The following LRFN5 variants were observed in gnomAD, a reference collection of about 807,000 sequenced individuals.
The protein encoded by LRFN5 is leucine rich repeat and fibronectin type III domain containing 5.
In LRFN5, 24 loss-of-function variants were observed where a neutral mutation model predicts 45.6. That is an observed-to-expected ratio of 0.53 (90% CI 0.38 to 0.74). The LOEUF (loss-of-function observed/expected upper bound fraction) is 0.74. Ranked by LOEUF, LRFN5 falls within the 30% of genes least tolerant of loss-of-function variation. The probability of loss-of-function intolerance (pLI) is 0.00; values close to 1 mark genes in which losing one functional copy is unlikely to be tolerated. For synonymous variants in LRFN5, 340 were observed against 313.8 expected (o/e 1.08, Z -0.88); for missense variants, 776 against 861.5 (o/e 0.90, Z 1.24).
At chr14:41,678,628 T>C (rs1248607118) in intron 1 of LRFN5, among the ~76,000 whole-genome samples, 1 of 152,132 alleles carries the variant, frequency 6.6e-6, no homozygotes. Context: ...CCAGTATATA[T>C]AACATCTTAG....
intron 2 of LRFN5, among the ~76,000 whole-genome samples, chr14:41,840,084 T>A (rs1888806507): frequency 1.3e-5 from 2 of 152,110 alleles, no homozygotes; most frequent in South Asian, 4.1e-4. Flanking sequence ...GAAGGCAACT[T>A]GGAAATTTTC....
At chr14:41,828,537 G>A (rs1226832740) in intron 2 of LRFN5, among the ~76,000 whole-genome samples, 2 of 152,036 alleles carry the variant, frequency 1.3e-5, no homozygotes, top group East Asian at 3.9e-4. Context: ...ATCGTTTTCT[G>A]AAACCTATTC....
At chr14:41,869,043 C>T (rs908148870) in intron 2 of LRFN5, among the ~76,000 whole-genome samples, 23 of 152,232 alleles carry the variant, frequency 1.5e-4, no homozygotes, top group African/African-American at 4.8e-4. Context: ...TAAATAAAAT[C>T]CAGAGTATTC....
chr14:41,689,174 CTT>C (rs1387029700), intron 1 of LRFN5, among the ~76,000 whole-genome samples: 4 of 151,948 alleles, frequency 2.6e-5, no homozygotes, highest in Admixed American at 2.6e-4. Context: ...CAATCAATAA[CTT>C]AAATTTATTC....
At chr14:41,658,522 T>C (rs1880481939) in intron 1 of LRFN5, among the ~76,000 whole-genome samples, 1 of 151,994 alleles carries the variant, frequency 6.6e-6, no homozygotes, top group South Asian at 2.1e-4. Flanking sequence ...TCTTTCCATC[T>C]GTAGCATATA....
At chr14:41,655,318 C>A (rs1419259626) in intron 1 of LRFN5, among the ~76,000 whole-genome samples, 1 of 151,942 alleles carries the variant, frequency 6.6e-6, no homozygotes, top group Non-Finnish European at 1.5e-5. Context: ...GAGAAATCCT[C>A]ACTAATAATA....
At chr14:41,705,547 A>AT (rs1883029185) in intron 1 of LRFN5, among the ~76,000 whole-genome samples, 1 of 152,224 alleles carries the variant, frequency 6.6e-6, no homozygotes, top group Admixed American at 6.5e-5. Flanking sequence ...AGACATAAAA[A>AT]TGATAGGATC....
At chr14:41,774,010 T>C (rs551855540) in intron 2 of LRFN5, among the ~76,000 whole-genome samples, 1 of 152,298 alleles carries the variant, frequency 6.6e-6, no homozygotes, top group South Asian at 2.1e-4. Context: ...GGTCTTTGTG[T>C]TGCTAACACT....
At chr14:41,762,184 A>T (rs1311042628) in intron 1 of LRFN5, among the ~76,000 whole-genome samples, 2 of 151,654 alleles carry the variant, frequency 1.3e-5, no homozygotes, top group Non-Finnish European at 2.9e-5. Context: ...TTACTGAAAT[A>T]CAGTATCCCT....
At position 41,781,594 on chromosome 14, in the gene LRFN5, AAGAAAGAAAGAAAGAAAGAAAG is replaced by A. The variant is rs1305773457; in HGVS notation, c.-21+14584_-21+14605del. Among the ~76,000 whole-genome samples, 332 of 102,872 alleles carry A rather than the reference AAGAAAGAAAGAAAGAAAGAAAG, an allele frequency of 3.2e-3. 10 individuals are homozygous for A. Among genetic ancestry groups the A allele is most frequent in the African/African-American group, 0.013 (313 of 23,594 alleles). 67.5% of individuals were successfully genotyped at this position (102,872 alleles called of 152,430 possible). A position where few individuals can be genotyped will look rare whatever the true frequency, so the allele number is the denominator to read the frequency against. ...AAAGAAAGAAAGAAAGAAAGAAAGA[AAGAAAGAAAGAAAGAAAGAAAG>A]AGAAAGAAAGAAAGAAAGGAAAGAA... On this transcript the variant is annotated intron_variant, in intron 2 of 5. Transcript: ENST00000298119.
chr14:41,619,695 G>A (rs529277950), intron 1 of LRFN5, among the ~76,000 whole-genome samples: 11 of 151,836 alleles, frequency 7.2e-5, no homozygotes, highest in African/African-American at 2.7e-4. Flanking sequence ...GGCAATATAT[G>A]TATATTGCAA....
intron 1 of LRFN5, among the ~76,000 whole-genome samples, chr14:41,667,354 A>G: frequency 6.6e-6 from 1 of 152,182 alleles, no homozygotes; most frequent in East Asian, 1.9e-4. Flanking sequence ...TTCAGCAAGG[A>G]GGATTTCTGA....
chr14:41,683,024 T>C (rs898767725), intron 1 of LRFN5, among the ~76,000 whole-genome samples: 2 of 152,088 alleles, frequency 1.3e-5, no homozygotes, highest in Non-Finnish European at 2.9e-5. Context: ...ATTAATTAAA[T>C]TAAACACAGG....
chr14:41,626,419 G>A (rs1283662943), intron 1 of LRFN5, among the ~76,000 whole-genome samples: 1 of 152,018 alleles, frequency 6.6e-6, no homozygotes, highest in Non-Finnish European at 1.5e-5. Context: ...GGCTGCTAAT[G>A]GGAATTTCAC....
chr14:41,709,506 C>G (rs1883200150), intron 1 of LRFN5, among the ~76,000 whole-genome samples: 1 of 151,922 alleles, frequency 6.6e-6, no homozygotes, highest in African/African-American at 2.4e-5. Context: ...TGTATTAATT[C>G]CTTTTTTATA....
chr14:41,695,606 C>T (rs1378034440), intron 1 of LRFN5, among the ~76,000 whole-genome samples: 1 of 151,906 alleles, frequency 6.6e-6, no homozygotes, highest in Non-Finnish European at 1.5e-5. Context: ...AAGAATTATG[C>T]TATATCTACT....
At chr14:41,668,863 T>C (rs941973644) in intron 1 of LRFN5, among the ~76,000 whole-genome samples, 12 of 152,164 alleles carry the variant, frequency 7.9e-5, no homozygotes, top group Non-Finnish European at 1.6e-4. Context: ...CTATGGATTT[T>C]ATCTGTTGAA....
intron 1 of LRFN5, among the ~76,000 whole-genome samples, chr14:41,614,671 C>A (rs573636369): frequency 2.6e-5 from 4 of 152,010 alleles, no homozygotes; most frequent in African/African-American, 4.8e-5. Flanking sequence ...AATTCTACCC[C>A]CCTTGGTCAC....
At chr14:41,881,321 T>C (rs1404751758) in intron 2 of LRFN5, among the ~76,000 whole-genome samples, 3 of 151,876 alleles carry the variant, frequency 2.0e-5, no homozygotes, top group Non-Finnish European at 2.9e-5. Context: ...TTCTAGAGTA[T>C]AGGATTTTTT....
Sources: allele counts gnomAD v4.1 joint callset (sites outside exome capture counted in the v4.1 genomes callset), GRCh38; gene constraint gnomAD v4.1.1; transcripts MANE v1.5; gene names NCBI Gene and HGNC (gene_info 2026-07-23, HGNC 2026-07-21).